Variants in ZNF43 observed in about 807,000 individuals in gnomAD.
ZNF43 encodes zinc finger protein 39-like 1 (KOX 27).
Under a neutral mutation model 68.4 loss-of-function variants are expected in ZNF43, and 44 were observed. The ratio of observed to expected loss-of-function variants is 0.64; its 90% CI spans 0.51 to 0.83. The LOEUF is 0.83. Ranked by LOEUF, ZNF43 falls within the 40% of genes least tolerant of loss-of-function variation. The pLI is 0.00. For missense variants in ZNF43, 896 were observed against 933.2 expected (o/e 0.96, Z 0.52); for synonymous variants, 308 against 307.8 (o/e 1.00, Z -0.01).
chr19:21,823,181 G>A (rs139129332), intron 1 of ZNF43, among the ~76,000 whole-genome samples: 1 of 152,194 alleles, frequency 6.6e-6, no homozygotes, highest in African/African-American at 2.4e-5. Flanking sequence ...ACAATATAAT[G>A]CTAAATTCAA....
chr19:21,848,653 A>G (rs969900646), intron 1 of ZNF43, among the ~76,000 whole-genome samples: 2 of 152,214 alleles, frequency 1.3e-5, no homozygotes, highest in Non-Finnish European at 2.9e-5. Context: ...GGCTGGGACC[A>G]GACAGGAAAC....
upstream of ZNF43, chr19:21,836,221 C>T (rs925114667): frequency 4.1e-6 from 6 of 1,449,270 alleles, no homozygotes; most frequent in African/African-American, 2.9e-5. Flanking sequence ...CCTGTCCTCT[C>T]CTGCCCCGTG....
chr19:21,840,356 CA>C, upstream of ZNF43: 1 of 152,532 alleles, frequency 6.6e-6, no homozygotes, highest in Non-Finnish European at 1.5e-5. Context: ...ATCACAGTCA[CA>C]AAAAAATGTA....
In ZNF43 at chr19:21,835,923, G is replaced by A. The variant is rs139706716; in HGVS notation, c.3+113C>T. 8.8e-4 allele frequency: 1,380 copies of A among 1,568,654 alleles called. 11 individuals carry two copies. The African/African-American group carries it at 0.017, about 19-fold the overall frequency. On this transcript the variant is annotated intron_variant, in intron 1 of 3. Coordinates refer to ENST00000354959, the MANE Select transcript of ZNF43 (RefSeq NM_003423.4). ...CCATCTTATGGCTGAAGGGGATTGA[G>A]GCCGAGCTGGGCAAGAACTCCGGCA...
chr19:21,806,310 G>T lies in ZNF43; in HGVS notation c.*1297C>A, dbSNP rs1404870272. 6.6e-6 allele frequency: 1 copy of T among 151,886 alleles called. No individual in the cohort carries two copies. 9.4% of individuals were successfully genotyped at this position (151,886 alleles called of 1,614,324 possible). On this transcript the variant is annotated 3_prime_UTR_variant, in exon 4 of 4. Transcript: ENST00000354959. Reference sequence around the variant, plus strand: ...TCCTGCTTCAGCCTTTGAAGTAGCTGGGATTATAGGTGCCTGGTAAATTTT... The same window carrying T: ...TCCTGCTTCAGCCTTTGAAGTAGCTTGGATTATAGGTGCCTGGTAAATTTT...
chr19:21,844,846 G>A (rs1387552556), intron 1 of ZNF43, among the ~76,000 whole-genome samples: 4 of 133,894 alleles, frequency 3.0e-5, no homozygotes, highest in African/African-American at 5.8e-5. Context: ...GCAGTGAGCC[G>A]AGATTGCTCC....
intron 1 of ZNF43, among the ~76,000 whole-genome samples, chr19:21,829,643 A>G (rs544124137): frequency 6.6e-6 from 1 of 152,340 alleles, no homozygotes; most frequent in Non-Finnish European, 1.5e-5. Flanking sequence ...AGCAATAAAA[A>G]TATCTCCATA....
In ZNF43 at chr19:21,805,671, A is replaced by T. The variant is rs2036908052; in HGVS notation, c.*1936T>A. 6.6e-6 allele frequency: 1 copy of T among 152,102 alleles called. No individual in the cohort carries two copies. Among genetic ancestry groups the T allele is most frequent in the Admixed American group, 6.6e-5 (1 of 15,262 alleles). The allele number at this position is 152,102 out of a possible 1,614,324, so 9.4% of individuals were successfully genotyped here. On this transcript the variant is annotated 3_prime_UTR_variant, in exon 4 of 4. Transcript: ENST00000354959. ...TTATGAATAGCACAAAGAATAAAAT[A>T]AGGTAATTAAAATCATACTATGTAC... is the stretch of plus-strand genomic sequence containing the variant.
chr19:21,842,353 G>A (rs1212213849), intron 1 of ZNF43, among the ~76,000 whole-genome samples: 6 of 149,692 alleles, frequency 4.0e-5, no homozygotes, highest in Non-Finnish European at 7.4e-5. Flanking sequence ...AGGTTGCAGT[G>A]AGCTGAGATC....
At chr19:21,838,736 T>C (rs745320701), upstream of ZNF43, 2 of 152,156 alleles carry the variant, frequency 1.3e-5, no homozygotes, top group Non-Finnish European at 2.9e-5. Flanking sequence ...TCATTTACTC[T>C]AGACTTTTTT....
chr19:21,826,347 T>A (rs1025139998), intron 1 of ZNF43, among the ~76,000 whole-genome samples: 1 of 152,154 alleles, frequency 6.6e-6, no homozygotes, highest in Non-Finnish European at 1.5e-5. Flanking sequence ...TTAAAAAAAA[T>A]TTCTGCAGCC....
Position 21,808,474 on chromosome 19 carries a change from C to T in ZNF43, c.1563G>A (p.Trp521Ter). Residue 521 changes from tryptophan to a stop codon, truncating the protein, a stop_gained, in exon 4 of 4, where the codon TGG (tryptophan) becomes TGA (stop). Transcript: ENST00000354959. LOFTEE classifies it high-confidence loss of function. ...TCTTATGTTCAGTAAGCTTTGAGGA[C>T]CACTTAAAAGCTTTGCCACATTCTT... ...KCEECGKAFK[W>*]SSKLTEHKIT... 6.2e-7 allele frequency: 1 copy of T among 1,610,816 alleles called. No homozygotes were observed. Among genetic ancestry groups the T allele is most frequent in the Non-Finnish European group, 8.5e-7 (1 of 1,179,230 alleles).
Position 21,809,291 on chromosome 19 carries a change from TTA to T in ZNF43, c.744_745del (p.His248GlnfsTer6). The T allele has an allele frequency of 6.2e-7, 1 of 1,613,722 alleles. No homozygotes were observed. Among genetic ancestry groups the T allele is most frequent in the Admixed American group, 1.7e-5 (1 of 59,972 alleles). On this transcript the variant is annotated frameshift_variant, in exon 4 of 4. Transcript: ENST00000354959. LOFTEE classifies it high-confidence loss of function. ...GAGTTTGTATCTAGTATAATTTTTT[TTA>T]TGTGTAGTAAGGCGTGAGGACCAAT...
chr19:21,830,328 C>A (rs1393813019), intron 1 of ZNF43, among the ~76,000 whole-genome samples: 1 of 147,132 alleles, frequency 6.8e-6, no homozygotes, highest in Non-Finnish European at 1.5e-5. Flanking sequence ...AAAAAGAAAT[C>A]CAGGAGTAAA....
In ZNF43 at chr19:21,808,595, G is replaced by A. The variant is rs760588871; in HGVS notation, c.1442C>T (p.Pro481Leu). The A allele has an allele frequency of 1.4e-5, 22 of 1,612,666 alleles. No homozygotes were observed. Among genetic ancestry groups the A allele is most frequent in the Middle Eastern group, 1.6e-4 (1 of 6,072 alleles). ...TTTGCCACATTCTTCACATTTGTACGGTTTTTCTGCAGTATGAATTCTCTT... is the reference window on the plus strand; with the variant it reads ...TTTGCCACATTCTTCACATTTGTACAGTTTTTCTGCAGTATGAATTCTCTT... ...THKRIHTAEKPYKCEECGKAF... is the reference protein window; with the variant it reads ...THKRIHTAEKLYKCEECGKAF... Residue 481 changes from proline (P) to leucine (L), a missense_variant, in exon 4 of 4, where the codon CCG becomes CTG. Physicochemically the swap from Pro to Leu is moderately conservative, Grantham distance 98. Transcript: ENST00000354959.
At chr19:21,822,112 T>C (rs573108672) in intron 1 of ZNF43, among the ~76,000 whole-genome samples, 3 of 151,788 alleles carry the variant, frequency 2.0e-5, no homozygotes, top group African/African-American at 4.8e-5. Context: ...ACCGAAGAGA[T>C]TCAGCAAGAA....
chr19:21,810,239 C>T (rs890718461), intron 3 of ZNF43, among the ~76,000 whole-genome samples: 30 of 152,134 alleles, frequency 2.0e-4, no homozygotes, highest in Middle Eastern at 3.2e-3. Flanking sequence ...TGTGTGTCAG[C>T]ATCTGTTTCT....
At chr19:21,843,244 T>C in intron 1 of ZNF43, 1 of 361,536 alleles carries the variant, frequency 2.8e-6, no homozygotes, top group Non-Finnish European at 3.8e-6. Context: ...CAGCGATATG[T>C]CACAATCCCA....
chr19:21,846,968 A>C (rs1967994555), intron 1 of ZNF43, among the ~76,000 whole-genome samples: 1 of 152,226 alleles, frequency 6.6e-6, no homozygotes, highest in East Asian at 1.9e-4. Flanking sequence ...GGCAAAACCT[A>C]AAACCAGGGA....
Sources: gnomAD v4.1 joint callset for allele counts (sites outside exome capture counted in the v4.1 genomes callset) on GRCh38, gnomAD v4.1.1 for gene constraint, MANE v1.5 for transcripts, NCBI Gene and HGNC (gene_info 2026-07-23, HGNC 2026-07-21) for gene names.